The following PTDSS1 variants were observed in gnomAD, a reference collection of about 807,000 sequenced individuals.
PTDSS1 encodes phosphatidylserine synthase 1.
Under a neutral mutation model 70.5 loss-of-function variants are expected in PTDSS1, and 45 were observed. The ratio of observed to expected loss-of-function variants is 0.64; its 90% CI spans 0.50 to 0.82. The LOEUF (loss-of-function observed/expected upper bound fraction) is 0.82. Ranked by LOEUF, PTDSS1 falls within the 40% of genes least tolerant of loss-of-function variation. PTDSS1 has a pLI of 0.00. For missense variants in PTDSS1, 417 were observed against 586.1 expected (o/e 0.71, Z 2.98); for synonymous variants, 188 against 203.8 (o/e 0.92, Z 0.66).
chr8:96,289,512 C>T (rs1810871843), intron 4 of PTDSS1, among the ~76,000 whole-genome samples: 1 of 152,150 alleles, frequency 6.6e-6, no homozygotes, highest in Non-Finnish European at 1.5e-5. Flanking sequence ...TTCCGGAGCT[C>T]TGGGCTAGGA....
intron 2 of PTDSS1, among the ~76,000 whole-genome samples, chr8:96,278,250 G>GA (rs1236630176): frequency 6.6e-6 from 1 of 152,234 alleles, no homozygotes; most frequent in East Asian, 1.9e-4. Flanking sequence ...TCCAAGGACA[G>GA]AAATTTATAG....
chr8:96,279,817 TC>T (rs1425586879), intron 2 of PTDSS1, among the ~76,000 whole-genome samples: 1 of 118,030 alleles, frequency 8.5e-6, no homozygotes, highest in African/African-American at 4.9e-5. Flanking sequence ...ATACTCCATC[TC>T]AAATAAATAA....
At chr8:96,304,918 A>C (rs1251845719) in intron 7 of PTDSS1, among the ~76,000 whole-genome samples, 1 of 152,250 alleles carries the variant, frequency 6.6e-6, no homozygotes, top group Admixed American at 6.5e-5. Context: ...TCCCAACATA[A>C]GGAAAAAATT....
intron 2 of PTDSS1, among the ~76,000 whole-genome samples, chr8:96,280,857 A>G (rs1233649939): frequency 1.3e-5 from 2 of 152,214 alleles, no homozygotes; most frequent in African/African-American, 2.4e-5. Flanking sequence ...TAATAACCTC[A>G]GAACCATAAC....
intron 6 of PTDSS1, among the ~76,000 whole-genome samples, chr8:96,302,617 T>C (rs1414985617): frequency 6.6e-6 from 1 of 152,150 alleles, no homozygotes; most frequent in African/African-American, 2.4e-5. Context: ...AGTCTCACTC[T>C]GTCGCCTAGG....
At chr8:96,327,557 A>G (rs1338569127) in intron 10 of PTDSS1, among the ~76,000 whole-genome samples, 1 of 152,192 alleles carries the variant, frequency 6.6e-6, no homozygotes, top group Non-Finnish European at 1.5e-5. Context: ...GAGAGCTTCA[A>G]GTTACACCAT....
chr8:96,281,354 G>C (rs959304193), intron 2 of PTDSS1, among the ~76,000 whole-genome samples: 1 of 152,152 alleles, frequency 6.6e-6, no homozygotes, highest in Non-Finnish European at 1.5e-5. Context: ...CTCGCAGGGC[G>C]GCAGATTTGA....
At chr8:96,295,341 G>A in intron 5 of PTDSS1, 85 bp downstream of exon 5, 2 of 1,372,316 alleles carry the variant, frequency 1.5e-6, no homozygotes, top group Non-Finnish European at 9.7e-7. Flanking sequence ...TTAACAGTCA[G>A]TTAATCCGTT....
chr8:96,287,259 C>A, intron 4 of PTDSS1, 113 bp downstream of exon 4: 1 of 1,405,340 alleles, frequency 7.1e-7, no homozygotes, highest in Non-Finnish European at 9.7e-7. Flanking sequence ...TGTGTAGTTA[C>A]CTAAAAACCA....
In PTDSS1 at chr8:96,262,190, C is replaced by T. The variant is rs1810414505; in HGVS notation, c.150C>T (p.Ile50=). ...CCATCACCCTGCTCAGCTTCACCATCGTCAGCCTCATGTACTTCGCCTTTA... is the reference window on the plus strand; with the variant it reads ...CCATCACCCTGCTCAGCTTCACCATTGTCAGCCTCATGTACTTCGCCTTTA... ...PHTITLLSFT[I]VSLMYFAFTR... Residue 50 remains isoleucine, a synonymous_variant, in exon 1 of 13, where the codon ATC becomes ATT. Transcript: ENST00000517309. The surrounding 1 kb of genome is among the most constrained non-coding windows in gnomAD (Gnocchi z 4.4). 1 of 1,612,354 alleles carries T rather than the reference C, an allele frequency of 6.2e-7. No homozygotes were observed. The highest frequency in any genetic ancestry group is 8.5e-7 in the Non-Finnish European group (1 of 1,178,894).
intron 4 of PTDSS1, among the ~76,000 whole-genome samples, chr8:96,293,452 AC>A (rs935679437): frequency 3.3e-5 from 5 of 152,032 alleles, no homozygotes; most frequent in African/African-American, 1.2e-4. Flanking sequence ...TGTCCACTTG[AC>A]CCCCTTTCCA....
chr8:96,274,439 A>G (rs1018182641), intron 2 of PTDSS1, among the ~76,000 whole-genome samples: 12 of 152,294 alleles, frequency 7.9e-5, no homozygotes, highest in African/African-American at 2.9e-4. Flanking sequence ...TAGAGTAGAA[A>G]AAACAGCCGG....
intron 9 of PTDSS1, among the ~76,000 whole-genome samples, chr8:96,315,917 G>A (rs1811281759): frequency 6.6e-6 from 1 of 152,176 alleles, no homozygotes; most frequent in Non-Finnish European, 1.5e-5. Context: ...ACCCCTGGGG[G>A]TGAGGAAGTA....
intron 6 of PTDSS1, 112 bp downstream of exon 6, chr8:96,299,957 G>C: frequency 7.8e-7 from 1 of 1,285,914 alleles, no homozygotes; most frequent in Non-Finnish European, 1.1e-6. Flanking sequence ...TAAATTCCAT[G>C]TTAATAACTG....
At chr8:96,306,585 T>G (rs1168013573) in intron 8 of PTDSS1, 29 bp downstream of exon 8, 5 of 1,512,906 alleles carry the variant, frequency 3.3e-6, no homozygotes, top group Admixed American at 1.7e-5. Flanking sequence ...GACTGTCATA[T>G]GAGAACATTA....
chr8:96,336,109 C>G lies in PTDSS1; in HGVS notation c.*2543C>G, dbSNP rs1563591078. ...ACCATTCATAGAAACCTTGGAACCA[C>G]TCTCACAGCAATGCTAGGATGTTTC... On this transcript the variant is annotated 3_prime_UTR_variant, in exon 13 of 13. Coordinates refer to ENST00000517309, the MANE Select transcript of PTDSS1 (RefSeq NM_014754.3). 1 of 152,048 alleles carries G rather than the reference C, an allele frequency of 6.6e-6. No homozygotes were observed. Among genetic ancestry groups the G allele is most frequent in the African/African-American group, 2.4e-5 (1 of 41,310 alleles). The allele number at this position is 152,048 out of a possible 1,614,324, so 9.4% of individuals were successfully genotyped here. A position where few individuals can be genotyped will look rare whatever the true frequency, so the allele number is the denominator to read the frequency against.
At chr8:96,273,447 TGA>T (rs2130007382) in intron 2 of PTDSS1, 57 bp downstream of exon 2, 1 of 1,264,908 alleles carries the variant, frequency 7.9e-7, no homozygotes, top group Non-Finnish European at 1.1e-6. Context: ...CTGGTTTTTT[TGA>T]GATGTGAGTC....
intron 4 of PTDSS1, chr8:96,287,365 A>G: frequency 1.8e-6 from 1 of 546,000 alleles, no homozygotes; most frequent in South Asian, 2.9e-5. Flanking sequence ...TCTGTGAGGA[A>G]GAATGCACAC....
intron 9 of PTDSS1, among the ~76,000 whole-genome samples, chr8:96,310,228 G>A (rs1339477788): frequency 1.4e-5 from 2 of 147,342 alleles, no homozygotes; most frequent in East Asian, 4.1e-4. Context: ...GCAGTGGCAT[G>A]ATCTCGGCTC....
Sources: gnomAD v4.1 joint callset for allele counts (sites outside exome capture counted in the v4.1 genomes callset) on GRCh38, gnomAD v4.1.1 for gene constraint, Gnocchi (gnomAD v3.1) non-coding constraint, MANE v1.5 for transcripts, NCBI Gene and HGNC (gene_info 2026-07-23, HGNC 2026-07-21) for gene names.